ZC3H3: variants seen among roughly 807,000 people sequenced by gnomAD.
ZC3H3 encodes zinc finger CCCH-type containing 3.
ZC3H3 carries 36 observed loss-of-function variants against 77.3 expected under a neutral mutation model. The observed-to-expected ratio is 0.47, with a 90% CI of 0.36 to 0.61. The LOEUF (loss-of-function observed/expected upper bound fraction) is 0.61, where lower values mean the gene tolerates loss of function less well. ZC3H3 is among the 20% of genes least tolerant of loss of function. The pLI, the probability that ZC3H3 is intolerant of heterozygous loss-of-function variation, is 0.00. For synonymous variants in ZC3H3, 626 were observed against 555.2 expected (o/e 1.13, Z -1.79); for missense variants, 1,331 against 1,312.2 (o/e 1.01, Z -0.22).
intron 4 of ZC3H3, among the ~76,000 whole-genome samples, chr8:143,485,925 G>A (rs1821040070): frequency 6.6e-6 from 1 of 152,266 alleles, no homozygotes; most frequent in Admixed American, 6.5e-5. Context: ...AAGAACAGGA[G>A]ACACGGGCCT....
intron 9 of ZC3H3, among the ~76,000 whole-genome samples, chr8:143,450,374 TTTGGCCATG>T (rs1013657863): frequency 6.6e-6 from 1 of 151,482 alleles, no homozygotes; most frequent in Non-Finnish European, 1.5e-5. Flanking sequence ...AGAGATGGGG[TTTGGCCATG>T]TTGGCCAGGC....
intron 9 of ZC3H3, among the ~76,000 whole-genome samples, chr8:143,463,751 T>C (rs961649604): frequency 2.0e-5 from 3 of 151,952 alleles, no homozygotes; most frequent in Non-Finnish European, 4.4e-5. Flanking sequence ...CGTCTCCGGG[T>C]CTGGGCAGGA....
intron 4 of ZC3H3, among the ~76,000 whole-genome samples, chr8:143,476,336 G>A (rs1221761455): frequency 6.6e-6 from 1 of 152,206 alleles, no homozygotes; most frequent in African/African-American, 2.4e-5. Flanking sequence ...GGGCTGAAGA[G>A]GCCGCGACAG....
intron 2 of ZC3H3, among the ~76,000 whole-genome samples, chr8:143,537,146 G>A (rs1822827131): frequency 6.6e-6 from 1 of 152,182 alleles, no homozygotes; most frequent in African/African-American, 2.4e-5. Context: ...CAACCTCATG[G>A]AGTCCCTGAG....
At chr8:143,463,465 G>A (rs905898966) in intron 9 of ZC3H3, among the ~76,000 whole-genome samples, 3 of 152,206 alleles carry the variant, frequency 2.0e-5, no homozygotes, top group Non-Finnish European at 4.4e-5. Context: ...GGACACAGCC[G>A]GACACACCCG....
Position 143,437,865 on chromosome 8 carries a change from G to A in ZC3H3, c.*191C>T, listed in dbSNP as rs902473218. 5 of 746,686 alleles carry A rather than the reference G, an allele frequency of 6.7e-6. No individual in the cohort carries two copies. Among genetic ancestry groups the A allele is most frequent in the East Asian group, 2.8e-5 (1 of 35,300 alleles). 46.3% of individuals were successfully genotyped at this position (746,686 alleles called of 1,614,324 possible). A position where few individuals can be genotyped will look rare whatever the true frequency, so the allele number is the denominator to read the frequency against. On this transcript the variant is annotated 3_prime_UTR_variant, in exon 12 of 12. Transcript: ENST00000262577. ...GTGGGGACAGGGGCCTGGCTTGGGG[G>A]AGGAAGACCAGGCCCTGCGCACACG...
intron 3 of ZC3H3, among the ~76,000 whole-genome samples, chr8:143,534,210 G>A (rs79374845): frequency 0.13 from 19,236 of 150,046 alleles, 1,438 homozygotes; most frequent in Admixed American, 0.21. Flanking sequence ...GGTTGAGGCT[G>A]CAATGAGCTG....
intron 4 of ZC3H3, among the ~76,000 whole-genome samples, chr8:143,477,090 A>G (rs887648965): frequency 6.6e-6 from 1 of 152,084 alleles, no homozygotes; most frequent in Non-Finnish European, 1.5e-5. Context: ...CGCCATCCCC[A>G]CCACTCAGCC....
chr8:143,516,102 G>A (rs935689587), intron 3 of ZC3H3, among the ~76,000 whole-genome samples: 7 of 152,228 alleles, frequency 4.6e-5, no homozygotes, highest in Non-Finnish European at 2.9e-5. Flanking sequence ...TAAATGAGCC[G>A]CAATGGCAAC....
At chr8:143,490,443 A>C (rs1293649906) in intron 4 of ZC3H3, among the ~76,000 whole-genome samples, 1 of 152,016 alleles carries the variant, frequency 6.6e-6, no homozygotes, top group East Asian at 1.9e-4. Context: ...CAGCCCAGAG[A>C]CCACCCGGGC....
chr8:143,458,955 T>C (rs971394321), intron 9 of ZC3H3, among the ~76,000 whole-genome samples: 31 of 150,246 alleles, frequency 2.1e-4, no homozygotes, highest in Admixed American at 4.0e-4. Context: ...ACCTTGTTCT[T>C]CAAGAAAAAA....
At chr8:143,479,804 G>A (rs1482761856) in intron 4 of ZC3H3, among the ~76,000 whole-genome samples, 3 of 152,194 alleles carry the variant, frequency 2.0e-5, no homozygotes, top group Non-Finnish European at 2.9e-5. Context: ...TCCCTGGGGG[G>A]GGACAAAGGC....
At chr8:143,473,743 G>A (rs775782683) in intron 5 of ZC3H3, among the ~76,000 whole-genome samples, 43 of 152,232 alleles carry the variant, frequency 2.8e-4, no homozygotes, top group African/African-American at 7.5e-4. Flanking sequence ...GGTCAAGCAC[G>A]ATGTCCTCAG....
At chr8:143,465,605 A>C (rs1481733659) in intron 9 of ZC3H3, 112 bp downstream of exon 9, 1 of 1,496,540 alleles carries the variant, frequency 6.7e-7, no homozygotes, top group African/African-American at 1.4e-5. Context: ...GGCACTGACC[A>C]CCTCAGGGCT....
intron 3 of ZC3H3, among the ~76,000 whole-genome samples, 182 bp from the exon 4 acceptor site, chr8:143,508,081 C>T (rs905433800): frequency 1.3e-5 from 2 of 152,230 alleles, no homozygotes; most frequent in Admixed American, 1.3e-4. Context: ...GCCTGGCAGC[C>T]GACGCTTCAG....
intron 3 of ZC3H3, among the ~76,000 whole-genome samples, chr8:143,531,682 C>T (rs772507993): frequency 3.3e-5 from 5 of 152,140 alleles, no homozygotes; most frequent in Non-Finnish European, 5.9e-5. Flanking sequence ...TGATAATATG[C>T]GCCAAAATAA....
intron 4 of ZC3H3, among the ~76,000 whole-genome samples, chr8:143,479,686 TCAGCCCAAAAGCAGCCAGCCAATTTA>T: frequency 6.6e-6 from 1 of 152,322 alleles, no homozygotes; most frequent in South Asian, 2.1e-4. Flanking sequence ...TATCTTTCCT[TCAGCCCAAAAGCAGCCAGCCAATTTA>T]CTCCGAACAG....
rs1820391894 is a variant in ZC3H3 at position 143,465,755 on chromosome 8, T to C, written c.2269A>G (p.Ser757Gly). 1 of 1,613,956 alleles carries C rather than the reference T, an allele frequency of 6.2e-7. No individual in the cohort carries two copies. The highest frequency in any genetic ancestry group is 8.5e-7 in the Non-Finnish European group (1 of 1,180,008). Residue 757 changes from serine to glycine, a missense_variant, in exon 9 of 12, where the codon AGC (serine) becomes GGC (glycine). Ser to Gly is a moderately conservative substitution (Grantham distance 56, BLOSUM62 0). Coordinates refer to ENST00000262577, the MANE Select transcript of ZC3H3 (RefSeq NM_015117.3). The part of the protein sequence containing the change: ...VYVSRKAEVC[S>G]DFLKGYCPLG... The stretch of plus-strand genomic sequence containing the variant: ...GGGCAGTAGCCTTTGAGGAAGTCGC[T>C]GCAGACCTCGGCCTTGCGGGACACG...
intron 4 of ZC3H3, among the ~76,000 whole-genome samples, chr8:143,498,939 G>T (rs1027423078): frequency 1.4e-5 from 2 of 144,624 alleles, no homozygotes; most frequent in Non-Finnish European, 3.0e-5. Flanking sequence ...GCACAGGGCA[G>T]TGCAGGGGGT....
Sources: allele counts gnomAD v4.1 joint callset (sites outside exome capture counted in the v4.1 genomes callset), GRCh38; gene constraint gnomAD v4.1.1; transcripts MANE v1.5; gene names NCBI Gene and HGNC (gene_info 2026-07-23, HGNC 2026-07-21).